ITPR2: variants seen among roughly 807,000 people sequenced by gnomAD.
The protein encoded by ITPR2 is inositol 1,4,5-trisphosphate receptor type 2, also known as inositol 1,4,5-trisphosphate-gated calcium channel ITPR2.
Under a neutral mutation model 317.1 loss-of-function variants are expected in ITPR2, and 207 were observed. The observed-to-expected ratio is 0.65, with a 90% CI of 0.58 to 0.73. The LOEUF (loss-of-function observed/expected upper bound fraction) is 0.73, where lower values mean the gene tolerates loss of function less well. Among genes scored for constraint, ITPR2 ranks in the 30% least tolerant of loss-of-function variants. ITPR2 has a pLI of 0.00. For synonymous variants in ITPR2, 1,156 were observed against 1,149.1 expected (o/e 1.01, Z -0.12); for missense variants, 2,613 against 3,284.0 (o/e 0.80, Z 4.99).
At chr12:26,487,029 T>G in intron 40 of ITPR2, 39 bp downstream of exon 40, 1 of 1,544,194 alleles carries the variant, frequency 6.5e-7, no homozygotes, top group Non-Finnish European at 9.0e-7. Flanking sequence ...CCCTCTTTTC[T>G]CTCACTCTGT....
At chr12:26,630,828 G>C (rs911172512) in intron 22 of ITPR2, 1 of 152,086 alleles carries the variant, frequency 6.6e-6, no homozygotes, top group Non-Finnish European at 1.5e-5. Context: ...GGTAAGCTGG[G>C]GATCAGTAGG....
chr12:26,556,465 A>G, intron 35 of ITPR2, 90 bp from the exon 36 acceptor site: 4 of 1,179,960 alleles, frequency 3.4e-6, no homozygotes, highest in Non-Finnish European at 2.4e-6. Context: ...TACTAATGGG[A>G]ATTTTATAGA....
chr12:26,408,251 A>T (rs1441588685), intron 52 of ITPR2, among the ~76,000 whole-genome samples: 3 of 152,210 alleles, frequency 2.0e-5, no homozygotes, highest in Non-Finnish European at 2.9e-5. Context: ...AAATATAACT[A>T]TGTGAAAAAA....
chr12:26,563,413 T>C (rs935161755), intron 34 of ITPR2, among the ~76,000 whole-genome samples: 9 of 151,874 alleles, frequency 5.9e-5, no homozygotes, highest in Admixed American at 5.2e-4. Context: ...CTACTAAAAA[T>C]ACGAAAACTA....
intron 55 of ITPR2, among the ~76,000 whole-genome samples, chr12:26,374,940 C>A (rs549700557): frequency 2.4e-4 from 37 of 152,182 alleles, no homozygotes; most frequent in Non-Finnish European, 4.0e-4. Flanking sequence ...GCCTGATAAC[C>A]TTATCTAAAA....
intron 1 of ITPR2, among the ~76,000 whole-genome samples, chr12:26,827,153 C>T (rs1318642797): frequency 6.6e-6 from 1 of 152,136 alleles, no homozygotes; most frequent in East Asian, 1.9e-4. Context: ...TCACCATCTT[C>T]GTCCAATAGG....
chr12:26,458,052 G>A (rs1406569259), intron 45 of ITPR2, among the ~76,000 whole-genome samples: 3 of 152,202 alleles, frequency 2.0e-5, no homozygotes, highest in Non-Finnish European at 1.5e-5. Flanking sequence ...CTATGGAAAT[G>A]TTTGGTGAGG....
At chr12:26,638,676 A>G (rs1946914556) in intron 21 of ITPR2, among the ~76,000 whole-genome samples, 1 of 152,162 alleles carries the variant, frequency 6.6e-6, no homozygotes, top group African/African-American at 2.4e-5. Context: ...CTAGATCAGT[A>G]TTTTCGTCAT....
chr12:26,533,463 G>C (rs963251822), intron 37 of ITPR2, among the ~76,000 whole-genome samples: 1 of 152,184 alleles, frequency 6.6e-6, no homozygotes, highest in Admixed American at 6.5e-5. Context: ...AGCATACACA[G>C]AAAACCTTTG....
At chr12:26,661,169 C>T (rs1276987671) in intron 15 of ITPR2, among the ~76,000 whole-genome samples, 2 of 151,180 alleles carry the variant, frequency 1.3e-5, no homozygotes, top group Non-Finnish European at 2.9e-5. Context: ...ATTCCTTTAT[C>T]ATCTATGCTC....
intron 9 of ITPR2, among the ~76,000 whole-genome samples, chr12:26,698,022 T>C (rs1260524257): frequency 6.6e-6 from 1 of 151,746 alleles, no homozygotes. Flanking sequence ...GAAATGATAA[T>C]TAGAAAAAGA....
intron 35 of ITPR2, among the ~76,000 whole-genome samples, chr12:26,561,132 AGACATGTGCAAACACAGAG>A (rs1944807363): frequency 6.6e-6 from 1 of 152,236 alleles, no homozygotes; most frequent in African/African-American, 2.4e-5. Flanking sequence ...ATTAGGACAC[AGACATGTGCAAACACAGAG>A]GAAAGAGCCT....
At chr12:26,688,583 A>G (rs888662182) in intron 10 of ITPR2, among the ~76,000 whole-genome samples, 4 of 152,106 alleles carry the variant, frequency 2.6e-5, no homozygotes, top group Non-Finnish European at 5.9e-5. Flanking sequence ...AGAAGGAAGG[A>G]GAGGAGGTGG....
intron 45 of ITPR2, among the ~76,000 whole-genome samples, chr12:26,455,631 G>A (rs1214545550): frequency 6.6e-6 from 1 of 152,116 alleles, no homozygotes; most frequent in Non-Finnish European, 1.5e-5. Flanking sequence ...AATAACCCAG[G>A]TTGCAAATGA....
At chr12:26,712,792 G>A (rs1430169954) in intron 8 of ITPR2, among the ~76,000 whole-genome samples, 3 of 152,332 alleles carry the variant, frequency 2.0e-5, no homozygotes, top group East Asian at 3.9e-4. Flanking sequence ...CCCTAGAGGG[G>A]ATATTCTAGA....
intron 2 of ITPR2, among the ~76,000 whole-genome samples, chr12:26,739,747 C>A (rs1949199293): frequency 6.6e-6 from 1 of 152,082 alleles, no homozygotes; most frequent in Admixed American, 6.6e-5. Flanking sequence ...TAACAAAACT[C>A]ATTAAGCTGA....
intron 14 of ITPR2, among the ~76,000 whole-genome samples, chr12:26,664,105 T>A (rs1947565136): frequency 6.6e-6 from 1 of 152,188 alleles, no homozygotes; most frequent in Non-Finnish European, 1.5e-5. Context: ...TCATATTTTA[T>A]AAAATAAGAA....
intron 21 of ITPR2, among the ~76,000 whole-genome samples, chr12:26,651,974 A>G (rs1250154778): frequency 6.6e-6 from 1 of 152,190 alleles, no homozygotes; most frequent in Admixed American, 6.5e-5. Context: ...CATCCCTAGA[A>G]GCACTGCTTT....
At chr12:26,769,245 C>T (rs1949796696) in intron 2 of ITPR2, among the ~76,000 whole-genome samples, 1 of 152,152 alleles carries the variant, frequency 6.6e-6, no homozygotes, top group Non-Finnish European at 1.5e-5. Context: ...TATTATCCAC[C>T]TTATTCTTTA....
Sources: gnomAD v4.1 joint callset for allele counts (sites outside exome capture counted in the v4.1 genomes callset) on GRCh38, gnomAD v4.1.1 for gene constraint, MANE v1.5 for transcripts, NCBI Gene and HGNC (gene_info 2026-07-23, HGNC 2026-07-21) for gene names.